The following CMKLR1 variants were observed in gnomAD, a reference collection of about 807,000 sequenced individuals.
CMKLR1 encodes the protein chemerin chemokine-like receptor 1.
In CMKLR1, 6 loss-of-function variants were observed where a neutral mutation model predicts 8.2. The ratio of observed to expected loss-of-function variants is 0.73; its 90% CI spans 0.40 to 1.44. The LOEUF (loss-of-function observed/expected upper bound fraction) is 1.44, where lower values mean the gene tolerates loss of function less well. CMKLR1 is among the 40% of genes most tolerant of loss of function. The probability of loss-of-function intolerance (pLI) is 0.02; values close to 1 mark genes in which losing one functional copy is unlikely to be tolerated. For missense variants in CMKLR1, 429 were observed against 478.0 expected (o/e 0.90, Z 0.96); for synonymous variants, 178 against 181.2 (o/e 0.98, Z 0.14).
chr12:108,333,989 TCCTGGCCTA>T (rs1396377740), intron 1 of CMKLR1, among the ~76,000 whole-genome samples: 7 of 152,374 alleles, frequency 4.6e-5, no homozygotes, highest in African/African-American at 1.7e-4. Context: ...TGCATCTCAG[TCCTGGCCTA>T]CGGCCACCTC....
chr12:108,310,163 C>CTGTG (rs35140046), intron 2 of CMKLR1, among the ~76,000 whole-genome samples: 15,162 of 142,302 alleles, frequency 0.11, 791 homozygotes, highest in South Asian at 0.14. Context: ...TGGTTAGGGG[C>CTGTG]TGTGTGTGTG....
chr12:108,301,255 T>C (rs1891262602), intron 2 of CMKLR1, among the ~76,000 whole-genome samples: 1 of 151,930 alleles, frequency 6.6e-6, no homozygotes, highest in South Asian at 2.1e-4. Context: ...TTTTGTATTT[T>C]TAGTAGAGAT....
At chr12:108,312,185 T>A (rs1891600092) in intron 2 of CMKLR1, among the ~76,000 whole-genome samples, 1 of 152,204 alleles carries the variant, frequency 6.6e-6, no homozygotes, top group South Asian at 2.1e-4. Context: ...ATGTTGAAAC[T>A]GAGGCTGTAA....
At chr12:108,306,259 A>G (rs1891404517) in intron 2 of CMKLR1, among the ~76,000 whole-genome samples, 3 of 152,116 alleles carry the variant, frequency 2.0e-5, no homozygotes, top group Admixed American at 2.0e-4. Context: ...GGGTGCCTTA[A>G]CTACTTCCTG....
At chr12:108,306,665 C>T (rs929819285) in intron 2 of CMKLR1, among the ~76,000 whole-genome samples, 1 of 152,164 alleles carries the variant, frequency 6.6e-6, no homozygotes, top group Non-Finnish European at 1.5e-5. Context: ...TCACTCCTTG[C>T]TGAAAACCTC....
intron 2 of CMKLR1, among the ~76,000 whole-genome samples, chr12:108,306,223 G>A (rs576605054): frequency 2.7e-4 from 41 of 152,294 alleles, no homozygotes; most frequent in African/African-American, 8.2e-4. Context: ...TCAGAGGTGT[G>A]CGGGTTGGCC....
At position 108,333,911 on chromosome 12, in the gene CMKLR1, G is replaced by A. The variant is rs547013990; in HGVS notation, c.-286-3704C>T. 4.6e-5 allele frequency among the ~76,000 whole-genome samples: 7 copies of A among 152,214 alleles called. No individual in the cohort carries two copies. The South Asian group carries it at 6.2e-4, about 14-fold the overall frequency. On this transcript the variant is annotated intron_variant, in intron 1 of 3. Coordinates refer to ENST00000550402, the MANE Select transcript of CMKLR1 (RefSeq NM_001142343.2). ...AAGAAATAACTGGTTTCGTGCTATC[G>A]CCTGAAACCAGCATGTCCTGAGTCC...
intron 2 of CMKLR1, among the ~76,000 whole-genome samples, chr12:108,319,286 C>T (rs1044851745): frequency 6.6e-6 from 1 of 152,350 alleles, no homozygotes. Context: ...TTGCCCCAGC[C>T]TCCCAACAAC....
chr12:108,338,036 C>G (rs11113826), intron 1 of CMKLR1, among the ~76,000 whole-genome samples: 2 of 152,178 alleles, frequency 1.3e-5, no homozygotes, highest in African/African-American at 4.8e-5. Flanking sequence ...GACGTTCAGG[C>G]GTGTGACCTC....
At chr12:108,328,363 C>T (rs771142410) in intron 2 of CMKLR1, among the ~76,000 whole-genome samples, 4 of 152,206 alleles carry the variant, frequency 2.6e-5, no homozygotes, top group East Asian at 3.9e-4. Context: ...ACCAAGGCCA[C>T]GCTTTATTTT....
chr12:108,325,504 C>T (rs1891962038), intron 2 of CMKLR1, among the ~76,000 whole-genome samples: 1 of 152,162 alleles, frequency 6.6e-6, no homozygotes, highest in Admixed American at 6.5e-5. Flanking sequence ...GGGTAAATAG[C>T]TGGCTGTGGC....
intron 2 of CMKLR1, among the ~76,000 whole-genome samples, chr12:108,324,452 T>A (rs1351496407): frequency 6.6e-6 from 1 of 151,986 alleles, no homozygotes; most frequent in Non-Finnish European, 1.5e-5. Context: ...GTGGGAGCAC[T>A]CCCCTCAGAC....
At position 108,292,353 on chromosome 12, in the gene CMKLR1, G is replaced by A. The variant is rs1891004880; in HGVS notation, c.610C>T (p.Pro204Ser). Residue 204 changes from proline (P) to serine (S), a missense_variant, in exon 4 of 4, where the codon CCC (proline) becomes TCC (serine). By Grantham distance (74) the Pro-to-Ser change is moderately conservative (BLOSUM62 -1). Transcript: ENST00000550402. ...ACAGGGTCCATTTGGGAGTGAGTGG[G>A]CCACGAGGAAGACCCAGGTGTGGAC... ...SLSTPGSSSW[P>S]THSQMDPVGY... is the part of the protein sequence containing the mutation. The A allele has an allele frequency of 1.2e-6, 2 of 1,614,176 alleles. No individual in the cohort carries two copies. Among genetic ancestry groups the A allele is most frequent in the African/African-American group, 1.3e-5 (1 of 75,048 alleles).
At chr12:108,331,314 C>A (rs551068746) in intron 1 of CMKLR1, among the ~76,000 whole-genome samples, 2 of 152,162 alleles carry the variant, frequency 1.3e-5, no homozygotes, top group African/African-American at 2.4e-5. Context: ...AGTGCAGGGA[C>A]GTGAACGCAG....
At chr12:108,331,729 C>T (rs981833043) in intron 1 of CMKLR1, among the ~76,000 whole-genome samples, 6 of 152,076 alleles carry the variant, frequency 3.9e-5, no homozygotes, top group African/African-American at 9.7e-5. Context: ...TTTGATGTGA[C>T]GAGGACTCAA....
chr12:108,332,632 C>T (rs1211704433), intron 1 of CMKLR1, among the ~76,000 whole-genome samples: 1 of 152,106 alleles, frequency 6.6e-6, no homozygotes, highest in Non-Finnish European at 1.5e-5. Context: ...TGCTTCTTGC[C>T]CTCGAACATC....
rs73407491 is a variant in CMKLR1 at position 108,305,746 on chromosome 12, C to T, written c.-73-12082G>A. On this transcript the variant is annotated intron_variant, in intron 2 of 3. Coordinates refer to ENST00000550402, the MANE Select transcript of CMKLR1 (RefSeq NM_001142343.2). ...GGAGAGAATTTCCTCCCTGGTCCCA[C>T]GCCCACATGTGGGAGCTCGCACTGA... Among the ~76,000 whole-genome samples, 1,436 of 152,328 alleles carry T rather than the reference C, an allele frequency of 9.4e-3. 17 individuals carry two copies. The highest frequency in any genetic ancestry group is 0.03 in the African/African-American group (1,238 of 41,576).
chr12:108,318,900 C>T (rs1270525037), intron 2 of CMKLR1, among the ~76,000 whole-genome samples: 1 of 152,176 alleles, frequency 6.6e-6, no homozygotes, highest in African/African-American at 2.4e-5. Flanking sequence ...CTCCCCTCCA[C>T]GAATTAGTCT....
intron 2 of CMKLR1, among the ~76,000 whole-genome samples, chr12:108,315,707 C>T (rs941982062): frequency 2.0e-5 from 3 of 152,208 alleles, no homozygotes. Flanking sequence ...TGGTTCTGCA[C>T]AGATGGCTAC....
Sources: gnomAD v4.1 joint callset for allele counts (sites outside exome capture counted in the v4.1 genomes callset) on GRCh38, gnomAD v4.1.1 for gene constraint, MANE v1.5 for transcripts, NCBI Gene and HGNC (gene_info 2026-07-23, HGNC 2026-07-21) for gene names.